The following B3GLCT variants were observed in gnomAD, a reference collection of about 807,000 sequenced individuals.
B3GLCT encodes the protein beta-1,3-glucosyltransferase.
Under a neutral mutation model 63.4 loss-of-function variants are expected in B3GLCT, and 65 were observed. The observed-to-expected ratio is 1.03, with a 90% CI of 0.84 to 1.26. The LOEUF (loss-of-function observed/expected upper bound fraction) is 1.26. Among genes scored for constraint, B3GLCT ranks in the 50% most tolerant of loss-of-function variants. The probability of loss-of-function intolerance (pLI) is 0.00; values close to 1 mark genes in which losing one functional copy is unlikely to be tolerated. For missense variants in B3GLCT, 577 were observed against 604.8 expected (o/e 0.95, Z 0.48); for synonymous variants, 233 against 219.2 (o/e 1.06, Z -0.55).
At chr13:31,247,291 T>C (rs1871239654) in intron 5 of B3GLCT, among the ~76,000 whole-genome samples, 192 bp downstream of exon 5, 1 of 151,964 alleles carries the variant, frequency 6.6e-6, no homozygotes, top group South Asian at 2.1e-4. Flanking sequence ...AGCTTTTTCT[T>C]TTTTTTTGGA....
intron 12 of B3GLCT, 117 bp downstream of exon 12, chr13:31,286,936 T>C: frequency 1.5e-6 from 1 of 656,936 alleles, no homozygotes; most frequent in Non-Finnish European, 2.7e-6. Flanking sequence ...TTTACCCTTC[T>C]ATCTGAACCA....
chr13:31,228,241 A>C (rs1407873055), intron 3 of B3GLCT, among the ~76,000 whole-genome samples: 6 of 152,210 alleles, frequency 3.9e-5, no homozygotes, highest in African/African-American at 1.4e-4. Flanking sequence ...ATAACACCTA[A>C]TCCTGGCTAG....
intron 1 of B3GLCT, among the ~76,000 whole-genome samples, chr13:31,203,670 G>A (rs1816550053): frequency 6.6e-6 from 1 of 152,162 alleles, no homozygotes; most frequent in Non-Finnish European, 1.5e-5. Flanking sequence ...TCCTCTTGTA[G>A]CATTATGTGT....
At chr13:31,322,334 C>T (rs959726302) in intron 13 of B3GLCT, among the ~76,000 whole-genome samples, 2 of 152,266 alleles carry the variant, frequency 1.3e-5, no homozygotes, top group African/African-American at 4.8e-5. Flanking sequence ...CTTCCTACAT[C>T]GTCTTGATCT....
chr13:31,213,438 A>C (rs1869379637), intron 1 of B3GLCT, among the ~76,000 whole-genome samples: 1 of 152,112 alleles, frequency 6.6e-6, no homozygotes, highest in Admixed American at 6.5e-5. Flanking sequence ...AAAAACACAA[A>C]AATTAGCTGG....
intron 7 of B3GLCT, among the ~76,000 whole-genome samples, chr13:31,266,457 G>A (rs927824849): frequency 1.3e-5 from 2 of 152,178 alleles, no homozygotes; most frequent in Non-Finnish European, 2.9e-5. Context: ...GGTATTGTTG[G>A]TTACTGAAAC....
chr13:31,309,304 C>G (rs1325693286), intron 12 of B3GLCT, among the ~76,000 whole-genome samples: 1 of 152,228 alleles, frequency 6.6e-6, no homozygotes, highest in African/African-American at 2.4e-5. Flanking sequence ...ATGAGGAAGA[C>G]TTCTGTGACC....
intron 2 of B3GLCT, among the ~76,000 whole-genome samples, chr13:31,218,930 CTT>C (rs34965262): frequency 2.8e-5 from 4 of 144,230 alleles, no homozygotes; most frequent in African/African-American, 2.6e-5. Flanking sequence ...ATCAGAAGCC[CTT>C]TTTTTTTTTT....
intron 5 of B3GLCT, among the ~76,000 whole-genome samples, chr13:31,247,591 A>G (rs1047649794): frequency 6.6e-6 from 1 of 152,184 alleles, no homozygotes; most frequent in African/African-American, 2.4e-5. Flanking sequence ...GCTTTTTCTT[A>G]AAGAATAAAA....
At chr13:31,328,564 A>G (rs773072717) in intron 14 of B3GLCT, among the ~76,000 whole-genome samples, 3 of 151,928 alleles carry the variant, frequency 2.0e-5, no homozygotes, top group Admixed American at 6.6e-5. Context: ...ATGGTAGTGC[A>G]TGCCTGTAAT....
rs188488754 is a variant in B3GLCT, at chr13:31,219,154, G to A, written c.121-3798G>A. Among the ~76,000 whole-genome samples, 177 of 152,164 alleles carry A rather than the reference G, an allele frequency of 1.2e-3. 1 individual carries two copies. The highest frequency in any genetic ancestry group is 9.5e-3 in the South Asian group (46 of 4,826). The stretch of plus-strand genomic sequence containing the variant: ...CAGAGACACAACAAAAAAAGAAAAC[G>A]TCAGGCCAGTATCCCTGATGAACAT... On this transcript the variant is annotated intron_variant, in intron 2 of 14. Coordinates refer to ENST00000343307, the MANE Select transcript of B3GLCT (RefSeq NM_194318.4).
At chr13:31,275,149 G>A (rs1217271115) in intron 9 of B3GLCT, among the ~76,000 whole-genome samples, 2 of 152,212 alleles carry the variant, frequency 1.3e-5, no homozygotes, top group Non-Finnish European at 2.9e-5. Context: ...TGTGAATAGT[G>A]CTGCACTAGC....
chr13:31,300,730 A>G (rs1228119081), intron 12 of B3GLCT, among the ~76,000 whole-genome samples: 1 of 152,218 alleles, frequency 6.6e-6, no homozygotes, highest in African/African-American at 2.4e-5. Context: ...CAAAAGACCA[A>G]TCTTAGGTTC....
At position 31,252,012 on chromosome 13, in the gene B3GLCT, G is replaced by A. The variant is rs1470967129; in HGVS notation, c.459+4046G>A. Among the ~76,000 whole-genome samples, 6 of 152,182 alleles carry A rather than the reference G, an allele frequency of 3.9e-5. No homozygotes were observed. The South Asian group carries it at 6.2e-4, about 16-fold the overall frequency. ...AAAGGAAGCCCATCAGACTAACAGC[G>A]GATCTCTCAGCAGAAACCCTACAAG... is the stretch of plus-strand genomic sequence containing the variant. On this transcript the variant is annotated intron_variant, in intron 6 of 14. Coordinates refer to ENST00000343307, the MANE Select transcript of B3GLCT (RefSeq NM_194318.4).
intron 4 of B3GLCT, among the ~76,000 whole-genome samples, chr13:31,241,904 G>GT (rs763794327): frequency 6.6e-5 from 10 of 152,146 alleles, no homozygotes; most frequent in Non-Finnish European, 1.3e-4. Context: ...CTAGTTTATG[G>GT]GCCCAGGGTT....
At chr13:31,291,306 G>T (rs1873645162) in intron 12 of B3GLCT, among the ~76,000 whole-genome samples, 1 of 151,938 alleles carries the variant, frequency 6.6e-6, no homozygotes, top group Admixed American at 6.6e-5. Flanking sequence ...TTTTTGCTTT[G>T]GATTGTCTTT....
chr13:31,277,805 CTT>C (rs151329788), intron 10 of B3GLCT, among the ~76,000 whole-genome samples: 66 of 152,060 alleles, frequency 4.3e-4, no homozygotes, highest in African/African-American at 1.6e-3. Context: ...AACTATAAAC[CTT>C]CATATTTGCC....
At position 31,236,124 on chromosome 13, in the gene B3GLCT, A is replaced by G. The variant is rs976324875; in HGVS notation, c.270+6830A>G. On this transcript the variant is annotated intron_variant, in intron 4 of 14. Coordinates refer to ENST00000343307, the MANE Select transcript of B3GLCT (RefSeq NM_194318.4). ...TGTATCTGTTCTGCCTTCAGGCTCC[A>G]GAGGGAGGTGGGACCTGTTCCCTAT... Among the ~76,000 whole-genome samples the G allele has an allele frequency of 1.9e-4, 29 of 152,218 alleles. 1 individual carries two copies. Among genetic ancestry groups the G allele is most frequent in the African/African-American group, 5.8e-4 (24 of 41,462 alleles).
chr13:31,267,175 G>T (rs569237617), intron 7 of B3GLCT, among the ~76,000 whole-genome samples: 1 of 152,226 alleles, frequency 6.6e-6, no homozygotes, highest in African/African-American at 2.4e-5. Context: ...AAGATGGAGA[G>T]CATGTTTAAG....
Sources: gnomAD v4.1 joint callset for allele counts (sites outside exome capture counted in the v4.1 genomes callset) on GRCh38, gnomAD v4.1.1 for gene constraint, MANE v1.5 for transcripts, NCBI Gene and HGNC (gene_info 2026-07-23, HGNC 2026-07-21) for gene names.